The following TCAF1 variants were observed in gnomAD, a reference collection of about 807,000 sequenced individuals.
TCAF1 encodes the protein TRPM8 channel-associated factor 1.
A neutral mutation model predicts 27.3 loss-of-function variants in TCAF1; 4 were observed. That is an observed-to-expected ratio of 0.15 (90% CI 0.07 to 0.34). The LOEUF (loss-of-function observed/expected upper bound fraction) is 0.34. TCAF1 is among the 10% of genes least tolerant of loss of function. The probability of loss-of-function intolerance (pLI) is 1.00; values close to 1 mark genes in which losing one functional copy is unlikely to be tolerated. For synonymous variants in TCAF1, 105 were observed against 167.1 expected (o/e 0.63, Z 2.87); for missense variants, 257 against 425.8 (o/e 0.60, Z 3.49).
In TCAF1 at chr7:143,876,439, C is replaced by A; in HGVS notation, c.170G>T (p.Gly57Val). Reference protein sequence around the residue: ...VLIAASSYGRGRLVVVSHEDY... With the variant: ...VLIAASSYGRVRLVVVSHEDY... ...CTCATGGGACACGACCACCAGGCGG[C>A]CACGGCCATAGGAGGAGGCAGCAAT... Residue 57 changes from glycine (G) to valine (V), a missense_variant, in exon 2 of 9, where the codon GGC becomes GTC. Gly to Val is a moderately radical substitution (Grantham distance 109, BLOSUM62 -3). Around this residue, in one of 2 missense-constraint regions of TCAF1, gnomAD observed 255 missense variants for 260.1 expected, o/e 0.98. Coordinates refer to ENST00000479870, the MANE Select transcript of TCAF1 (RefSeq NM_014719.3). 6.2e-7 allele frequency: 1 copy of A among 1,610,444 alleles called. No individual in the cohort carries two copies. The highest frequency in any genetic ancestry group is 2.2e-5 in the East Asian group (1 of 44,870).
At chr7:143,895,891 AAAAG>A (rs1398287965) in intron 1 of TCAF1, among the ~76,000 whole-genome samples, 26 of 146,862 alleles carry the variant, frequency 1.8e-4, no homozygotes, top group African/African-American at 6.4e-4. Flanking sequence ...ACTTCCAAAT[AAAAG>A]AAAGAAAAAA....
chr7:143,865,195 GT>G (rs1321049894), intron 2 of TCAF1, among the ~76,000 whole-genome samples: 24 of 88,614 alleles, frequency 2.7e-4, no homozygotes, highest in African/African-American at 9.9e-4. Context: ...AAGGGGGGGG[GT>G]CTCACTATGT....
At chr7:143,901,174 A>T (rs775124720) in intron 1 of TCAF1, among the ~76,000 whole-genome samples, 3 of 152,176 alleles carry the variant, frequency 2.0e-5, no homozygotes, top group Non-Finnish European at 4.4e-5. Flanking sequence ...TTTACTTTTT[A>T]TTCAACATTT....
At chr7:143,885,270 G>A (rs987729529) in intron 1 of TCAF1, 2 of 985,494 alleles carry the variant, frequency 2.0e-6, no homozygotes, top group African/African-American at 3.5e-5. Context: ...CCACAGAGAT[G>A]TGGGAAGGCG....
At chr7:143,883,870 T>C (rs1813247012) in intron 1 of TCAF1, among the ~76,000 whole-genome samples, 1 of 152,114 alleles carries the variant, frequency 6.6e-6, no homozygotes, top group South Asian at 2.1e-4. Flanking sequence ...ATGTGGCCAC[T>C]TCACCTTTCT....
intron 1 of TCAF1, chr7:143,886,674 T>A: frequency 1.8e-5 from 3 of 168,996 alleles, no homozygotes; most frequent in Non-Finnish European, 3.5e-5. Context: ...TCCTTCATGC[T>A]CTTTTAATGC....
chr7:143,888,190 C>T (rs1813502964), intron 1 of TCAF1, among the ~76,000 whole-genome samples: 1 of 152,066 alleles, frequency 6.6e-6, no homozygotes, highest in Admixed American at 6.5e-5. Context: ...AACATATATA[C>T]ACAAAATATT....
chr7:143,879,101 C>T (rs1812875746), intron 1 of TCAF1, among the ~76,000 whole-genome samples: 2 of 152,182 alleles, frequency 1.3e-5, no homozygotes, highest in South Asian at 2.1e-4. Context: ...TGCCAGGCGC[C>T]CTTGGACATG....
At chr7:143,882,433 C>T in intron 1 of TCAF1, 1 of 985,440 alleles carries the variant, frequency 1.0e-6, no homozygotes, top group Non-Finnish European at 1.2e-6. Flanking sequence ...TCAGGTAACT[C>T]AACCACACAA....
chr7:143,897,055 C>T (rs1170627916), intron 1 of TCAF1, among the ~76,000 whole-genome samples: 6 of 143,330 alleles, frequency 4.2e-5, no homozygotes, highest in Non-Finnish European at 7.6e-5. Context: ...GAAAAAGTGG[C>T]CATATCAATA....
intron 1 of TCAF1, chr7:143,882,869 C>G: frequency 1.0e-6 from 1 of 985,610 alleles, no homozygotes; most frequent in Non-Finnish European, 1.2e-6. Flanking sequence ...GGGGAGGAGG[C>G]TGGAGCTGGA....
At chr7:143,879,689 G>T (rs1377571007) in intron 1 of TCAF1, among the ~76,000 whole-genome samples, 1 of 152,134 alleles carries the variant, frequency 6.6e-6, no homozygotes, top group Non-Finnish European at 1.5e-5. Context: ...ATAGACTAAT[G>T]ACAAAGAATG....
intron 1 of TCAF1, among the ~76,000 whole-genome samples, chr7:143,892,590 C>A (rs59619603): frequency 5.9e-4 from 86 of 146,478 alleles, no homozygotes; most frequent in African/African-American, 2.0e-3. Context: ...TGCAGTGGTG[C>A]GATCTTGGCT....
chr7:143,885,990 T>C (rs1033795335), intron 1 of TCAF1, among the ~76,000 whole-genome samples: 8 of 152,224 alleles, frequency 5.3e-5, no homozygotes, highest in African/African-American at 1.9e-4. Context: ...TCTCTACAAA[T>C]ATGATTTCTC....
intron 1 of TCAF1, among the ~76,000 whole-genome samples, chr7:143,894,854 A>C (rs80292050): frequency 0.061 from 9,292 of 151,752 alleles, 309 homozygotes; most frequent in South Asian, 0.14. Context: ...TCGGAATATA[A>C]TTTAACACAC....
intron 1 of TCAF1, among the ~76,000 whole-genome samples, chr7:143,900,750 C>T (rs1256858706): frequency 1.3e-5 from 2 of 151,956 alleles, no homozygotes; most frequent in Non-Finnish European, 1.5e-5. Flanking sequence ...TCATACACCT[C>T]CAAAAGTAGA....
In TCAF1 at chr7:143,851,397, A is replaced by G. The variant is rs1811275891; in HGVS notation, c.*2736T>C. On this transcript the variant is annotated 3_prime_UTR_variant, in exon 9 of 9. Transcript: ENST00000479870. ...TGGAAGATTTTTATTTGGGTTTATT[A>G]AAAATTTTTTCAAAGTAATACATGC... 6.6e-6 allele frequency: 1 copy of G among 152,308 alleles called. No homozygotes were observed. The highest frequency in any genetic ancestry group is 1.5e-5 in the Non-Finnish European group (1 of 68,072). The allele number at this position is 152,308 out of a possible 1,614,324, so 9.4% of individuals were successfully genotyped here.
chr7:143,901,704 C>A lies in TCAF1; in HGVS notation c.-15+257G>T, dbSNP rs116125537. On this transcript the variant is annotated intron_variant, in intron 1 of 8. Coordinates refer to ENST00000479870, the MANE Select transcript of TCAF1 (RefSeq NM_014719.3). Reference sequence around the variant, plus strand: ...TAGCTCAGATCTTAATGGCTCCTTGCGGAGCAAAAAACAAATCCTACGAAA... The same window carrying A: ...TAGCTCAGATCTTAATGGCTCCTTGAGGAGCAAAAAACAAATCCTACGAAA... Among the ~76,000 whole-genome samples the A allele has an allele frequency of 5.7e-3, 865 of 152,286 alleles. 5 individuals are homozygous for A. The highest frequency in any genetic ancestry group is 0.019 in the African/African-American group (810 of 41,562).
chr7:143,882,455 A>G, intron 1 of TCAF1: 1 of 985,336 alleles, frequency 1.0e-6, no homozygotes, highest in Non-Finnish European at 1.2e-6. Context: ...GCAAGCACAC[A>G]CAAACATCAG....
Sources: allele counts gnomAD v4.1 joint callset (sites outside exome capture counted in the v4.1 genomes callset), GRCh38; gene constraint gnomAD v4.1.1; regional missense constraint gnomAD v4.1.1; transcripts MANE v1.5; gene names NCBI Gene and HGNC (gene_info 2026-07-23, HGNC 2026-07-21).